NCMAP: variants seen among roughly 807,000 people sequenced by gnomAD.
NCMAP encodes the protein noncompact myelin-associated protein.
A neutral mutation model predicts 7.8 loss-of-function variants in NCMAP; 8 were observed. The ratio of observed to expected loss-of-function variants is 1.02; its 90% CI spans 0.60 to 1.84. The LOEUF (loss-of-function observed/expected upper bound fraction) is 1.84, where lower values mean the gene tolerates loss of function less well. Among genes scored for constraint, NCMAP ranks in the 40% most tolerant of loss-of-function variants. The pLI is 0.00. For synonymous variants in NCMAP, 41 were observed against 52.9 expected (o/e 0.78, Z 0.98); for missense variants, 112 against 131.4 (o/e 0.85, Z 0.72).
intron 1 of NCMAP, among the ~76,000 whole-genome samples, chr1:24,571,276 AC>A (rs1376173480): frequency 6.7e-6 from 1 of 150,366 alleles, no homozygotes; most frequent in East Asian, 1.9e-4. Context: ...GGAGTTCAAG[AC>A]CAGCCTGGCC....
chr1:24,606,021 GT>G lies in NCMAP; in HGVS notation c.*275del, dbSNP rs1652714499. The stretch of plus-strand genomic sequence containing the variant: ...AGAGCTATGTTGGGAATCCACCAAT[GT>G]GGGCTTGGCTTTCCCCCACACTGTA... On this transcript the variant is annotated 3_prime_UTR_variant, in exon 4 of 4. Coordinates refer to ENST00000374392, the MANE Select transcript of NCMAP (RefSeq NM_001010980.5). The G allele has an allele frequency of 9.6e-6, 4 of 415,150 alleles. No homozygotes were observed. The highest frequency in any genetic ancestry group is 1.7e-5 in the Non-Finnish European group (4 of 228,812). The allele number at this position is 415,150 out of a possible 1,614,324, so 25.7% of individuals were successfully genotyped here.
intron 3 of NCMAP, among the ~76,000 whole-genome samples, chr1:24,602,535 ACTCCCGCCTGGG>A (rs1316499793): frequency 9.0e-6 from 1 of 111,102 alleles, no homozygotes; most frequent in Non-Finnish European, 1.6e-5. Context: ...GCGCCACAGC[ACTCCCGCCTGGG>A]CGACAGAACG....
intron 1 of NCMAP, among the ~76,000 whole-genome samples, chr1:24,566,739 C>T (rs987366944): frequency 6.6e-6 from 1 of 152,152 alleles, no homozygotes; most frequent in South Asian, 2.1e-4. Context: ...AGTGACATAT[C>T]CCAGCCCCAC....
intron 3 of NCMAP, among the ~76,000 whole-genome samples, chr1:24,603,365 T>G (rs966022068): frequency 6.7e-6 from 1 of 150,272 alleles, no homozygotes; most frequent in Non-Finnish European, 1.5e-5. Context: ...CATTAAAAAA[T>G]TATTTAAAAA....
At chr1:24,575,386 T>G (rs1014833687) in intron 1 of NCMAP, among the ~76,000 whole-genome samples, 1 of 151,924 alleles carries the variant, frequency 6.6e-6, no homozygotes, top group Non-Finnish European at 1.5e-5. Flanking sequence ...CCCGACTGAG[T>G]CTTCATTCGT....
At position 24,595,444 on chromosome 1, in the gene NCMAP, C is replaced by T. The variant is rs771443096; in HGVS notation, c.14C>T (p.Thr5Ile). 3.8e-5 allele frequency: 62 copies of T among 1,613,530 alleles called. No homozygotes were observed. Among genetic ancestry groups the T allele is most frequent in the Middle Eastern group, 1.6e-4 (1 of 6,084 alleles). ...ATCAGGATCGAGATGACCACAGCCA[C>T]CCCTCTGGGGGATACCACCTTCTTC... MTTA[T>I]PLGDTTFFSL... is the part of the protein sequence containing the mutation. Residue 5 changes from threonine (T) to isoleucine (I), a missense_variant, in exon 2 of 4, where the codon ACC becomes ATC. Physicochemically the swap from Thr to Ile is moderately conservative, Grantham distance 89 (BLOSUM62 -1). Coordinates refer to ENST00000374392, the MANE Select transcript of NCMAP (RefSeq NM_001010980.5).
chr1:24,597,712 G>C (rs1455475456), intron 2 of NCMAP, among the ~76,000 whole-genome samples: 9 of 151,044 alleles, frequency 6.0e-5, no homozygotes, highest in Admixed American at 5.3e-4. Flanking sequence ...AGGAAAGATT[G>C]GTTGGTTCTC....
At chr1:24,561,401 T>C (rs1651047941) in intron 1 of NCMAP, among the ~76,000 whole-genome samples, 1 of 152,118 alleles carries the variant, frequency 6.6e-6, no homozygotes, top group African/African-American at 2.4e-5. Flanking sequence ...CATGGGTATA[T>C]CAAAACATCT....
intron 3 of NCMAP, among the ~76,000 whole-genome samples, chr1:24,604,685 G>GAATTCAT (rs2148940380): frequency 8.7e-6 from 1 of 115,024 alleles, no homozygotes; most frequent in Non-Finnish European, 1.7e-5. Flanking sequence ...GAAGACATGA[G>GAATTCAT]AATTCATAAT....
At chr1:24,566,881 C>T (rs1651241959) in intron 1 of NCMAP, among the ~76,000 whole-genome samples, 2 of 152,114 alleles carry the variant, frequency 1.3e-5, no homozygotes, top group Non-Finnish European at 2.9e-5. Context: ...CTGGAAATTC[C>T]AGTCCATAGC....
intron 1 of NCMAP, among the ~76,000 whole-genome samples, chr1:24,584,673 GGGTGGGC>G (rs921585290): frequency 1.3e-5 from 2 of 152,110 alleles, no homozygotes; most frequent in Non-Finnish European, 2.9e-5. Flanking sequence ...GCTAGGCATG[GGGTGGGC>G]GGTGGGGTGG....
rs1431620078 is a variant in NCMAP, at chr1:24,570,131, A to G, written c.-8+13962A>G. On this transcript the variant is annotated intron_variant, in intron 1 of 3. Coordinates refer to ENST00000374392, the MANE Select transcript of NCMAP (RefSeq NM_001010980.5). ...GGAAATTTTTTTTTTTTTTTTGTGG[A>G]GACGGGGTCCCCCTGTGTTTCCCAG... is the stretch of plus-strand genomic sequence containing the variant. Among the ~76,000 whole-genome samples, 5 of 138,484 alleles carry G rather than the reference A, an allele frequency of 3.6e-5. 2 individuals carry two copies. Among genetic ancestry groups the G allele is most frequent in the African/African-American group, 1.1e-4 (4 of 35,286 alleles). The allele number at this position is 138,484 out of a possible 152,430, so 90.9% of individuals were successfully genotyped here.
intron 1 of NCMAP, among the ~76,000 whole-genome samples, chr1:24,559,600 G>T (rs1650991506): frequency 6.6e-6 from 1 of 152,196 alleles, no homozygotes; most frequent in South Asian, 2.1e-4. Context: ...CAACCTCTAA[G>T]ACAGAGAGGC....
At chr1:24,601,947 A>G (rs1652510221) in intron 3 of NCMAP, among the ~76,000 whole-genome samples, 1 of 152,004 alleles carries the variant, frequency 6.6e-6, no homozygotes, top group South Asian at 2.1e-4. Context: ...AGGCTGAGGC[A>G]GGAGAATGGC....
intron 2 of NCMAP, among the ~76,000 whole-genome samples, chr1:24,600,144 A>G (rs1333444871): frequency 6.8e-6 from 1 of 146,124 alleles, no homozygotes; most frequent in African/African-American, 2.5e-5. Context: ...CCAGATTTTT[A>G]TTTATGTATT....
chr1:24,578,034 G>A (rs906435024), intron 1 of NCMAP, among the ~76,000 whole-genome samples: 9 of 152,078 alleles, frequency 5.9e-5, no homozygotes, highest in Non-Finnish European at 7.4e-5. Context: ...AGGCTGAGGC[G>A]GGTGGATCAC....
intron 1 of NCMAP, among the ~76,000 whole-genome samples, chr1:24,589,793 C>T (rs942024153): frequency 1.3e-5 from 2 of 152,144 alleles, no homozygotes; most frequent in African/African-American, 2.4e-5. Flanking sequence ...TTTGGGGCTA[C>T]GTAAGTGTGG....
In NCMAP at chr1:24,570,560, C is replaced by T. The variant is rs1466563408; in HGVS notation, c.-8+14391C>T. Among the ~76,000 whole-genome samples the T allele has an allele frequency of 2.0e-5, 3 of 151,068 alleles. No homozygotes were observed. In the East Asian group the frequency reaches 5.8e-4, roughly 29 times the overall value. ...CTTAGCGCTTAGAACTAAGTACATACAAGCTATTATTATATTCCTGGGATT... is the reference window on the plus strand; with the variant it reads ...CTTAGCGCTTAGAACTAAGTACATATAAGCTATTATTATATTCCTGGGATT... On this transcript the variant is annotated intron_variant, in intron 1 of 3. Transcript: ENST00000374392.
At chr1:24,577,133 C>A (rs189876732) in intron 1 of NCMAP, among the ~76,000 whole-genome samples, 3 of 151,074 alleles carry the variant, frequency 2.0e-5, no homozygotes, top group African/African-American at 7.3e-5. Context: ...AGTGAGACTC[C>A]GTCTCAAAAA....
Sources: gnomAD v4.1 joint callset for allele counts (sites outside exome capture counted in the v4.1 genomes callset) on GRCh38, gnomAD v4.1.1 for gene constraint, MANE v1.5 for transcripts, NCBI Gene and HGNC (gene_info 2026-07-23, HGNC 2026-07-21) for gene names.